The following ENPP1 variants were observed in gnomAD, a reference collection of about 807,000 sequenced individuals.
The protein encoded by ENPP1 is ectonucleotide pyrophosphatase/phosphodiesterase 1, also known as ectonucleotide pyrophosphatase/phosphodiesterase family member 1.
A neutral mutation model predicts 122.8 loss-of-function variants in ENPP1; 73 were observed. That is an observed-to-expected ratio of 0.59 (90% CI 0.49 to 0.72). The LOEUF (loss-of-function observed/expected upper bound fraction) is 0.72, where lower values mean the gene tolerates loss of function less well. Ranked by LOEUF, ENPP1 falls within the 30% of genes least tolerant of loss-of-function variation. The probability of loss-of-function intolerance (pLI) is 0.00; values close to 1 mark genes in which losing one functional copy is unlikely to be tolerated. For missense variants in ENPP1, 978 were observed against 1,128.1 expected (o/e 0.87, Z 1.91); for synonymous variants, 367 against 391.6 (o/e 0.94, Z 0.74).
intron 9 of ENPP1, 106 bp from the exon 10 acceptor site, chr6:131,864,400 G>A (rs1489495324): frequency 4.1e-6 from 3 of 737,102 alleles, no homozygotes; most frequent in East Asian, 2.6e-5. Flanking sequence ...CAATAGATGC[G>A]AAATAGCATT....
chr6:131,854,206 A>T (rs1179302255), intron 5 of ENPP1, among the ~76,000 whole-genome samples: 1 of 152,034 alleles, frequency 6.6e-6, no homozygotes, highest in East Asian at 1.9e-4. Flanking sequence ...GGAGTTCGAG[A>T]CCAGCCTGGG....
chr6:131,811,967 A>G (rs1478980990), intron 1 of ENPP1, among the ~76,000 whole-genome samples: 2 of 152,192 alleles, frequency 1.3e-5, no homozygotes, highest in Admixed American at 6.5e-5. Flanking sequence ...CAGAAGTACT[A>G]TCACTTAAAA....
At position 131,808,046 on chromosome 6, in the gene ENPP1, AC is replaced by A; in HGVS notation, c.12del (p.Asp4GlufsTer84). The A allele has an allele frequency of 1.2e-6, 1 of 861,902 alleles. No homozygotes were observed. Among genetic ancestry groups the A allele is most frequent in the Non-Finnish European group, 1.3e-6 (1 of 741,472 alleles). The allele number at this position is 861,902 out of a possible 1,614,324, so 53.4% of individuals were successfully genotyped here. A position where few individuals can be genotyped will look rare whatever the true frequency, so the allele number is the denominator to read the frequency against. On this transcript the variant is annotated frameshift_variant, in exon 1 of 25. Transcript: ENST00000647893. LOFTEE classifies it high-confidence loss of function. The stretch of plus-strand genomic sequence containing the variant: ...GCGGCCGGGGCCACGATGGAGCGCG[AC>A]GGCTGCGCGGGGGGCGGGAGCCGCG... MER[D>X]GCAGGGSRGG...
At chr6:131,834,917 A>T (rs778039669) in intron 1 of ENPP1, among the ~76,000 whole-genome samples, 13 of 152,206 alleles carry the variant, frequency 8.5e-5, no homozygotes, top group Non-Finnish European at 1.6e-4. Context: ...TTATTCAAAT[A>T]AAGGTATGAT....
At chr6:131,862,007 A>G (rs953856869) in intron 9 of ENPP1, among the ~76,000 whole-genome samples, 1 of 152,062 alleles carries the variant, frequency 6.6e-6, no homozygotes, top group African/African-American at 2.4e-5. Context: ...CGTCTCTACT[A>G]AAAATACAAA....
In ENPP1 at chr6:131,851,464, T is replaced by C. The variant is rs78831768; in HGVS notation, c.556+197T>C. ...GAGAGAGAGTATGTAATGAACATTA[T>C]ACCCATCACCCAGCTTCATAATTAT... On this transcript the variant is annotated intron_variant, in intron 4 of 24. Transcript: ENST00000647893. The C allele has an allele frequency of 9.6e-3, 5,679 of 594,392 alleles. 287 individuals are homozygous for C. In the African/African-American group the frequency reaches 0.097, roughly 10 times the overall value. 36.8% of individuals were successfully genotyped at this position (594,392 alleles called of 1,614,324 possible). A position where few individuals can be genotyped will look rare whatever the true frequency, so the allele number is the denominator to read the frequency against.
chr6:131,856,839 A>C (rs2114698174), intron 6 of ENPP1, among the ~76,000 whole-genome samples: 1 of 151,682 alleles, frequency 6.6e-6, no homozygotes, highest in South Asian at 2.1e-4. Flanking sequence ...GTTCTGTTCC[A>C]TTGATCTATA....
At chr6:131,856,084 A>T (rs1781942275) in intron 6 of ENPP1, among the ~76,000 whole-genome samples, 1 of 152,104 alleles carries the variant, frequency 6.6e-6, no homozygotes, top group African/African-American at 2.4e-5. Context: ...GGAGAGTTTT[A>T]AAAATTTTTA....
chr6:131,872,040 C>T (rs754511247), intron 13 of ENPP1, 30 bp from the exon 14 acceptor site: 1 of 1,493,124 alleles, frequency 6.7e-7, no homozygotes, highest in Non-Finnish European at 9.3e-7. Context: ...ATACAATCAA[C>T]TATTAATTCT....
chr6:131,833,732 T>C (rs1362270372), intron 1 of ENPP1, among the ~76,000 whole-genome samples: 1 of 152,252 alleles, frequency 6.6e-6, no homozygotes, highest in Non-Finnish European at 1.5e-5. Flanking sequence ...AGATTGCTTT[T>C]CTTAAGATGC....
chr6:131,857,432 A>C lies in ENPP1; in HGVS notation c.716-1236A>C, dbSNP rs575976802. ...CCAACAATGATAGACTGGATTAAGAAAATGTGGCACATATACACCATGGAA... is the reference window on the plus strand; with the variant it reads ...CCAACAATGATAGACTGGATTAAGACAATGTGGCACATATACACCATGGAA... On this transcript the variant is annotated intron_variant, in intron 6 of 24. Coordinates refer to ENST00000647893, the MANE Select transcript of ENPP1 (RefSeq NM_006208.3). Among the ~76,000 whole-genome samples, 308 of 150,960 alleles carry C rather than the reference A, an allele frequency of 2.0e-3. 1 individual carries two copies. The highest frequency in any genetic ancestry group is 7.3e-3 in the African/African-American group (298 of 40,624).
chr6:131,869,287 G>A (rs1782128235), intron 12 of ENPP1, 71 bp from the exon 13 acceptor site: 5 of 1,477,360 alleles, frequency 3.4e-6, no homozygotes, highest in Admixed American at 1.7e-5. Context: ...GGAAGTGAAA[G>A]AAGTTCTGCT....
intron 1 of ENPP1, among the ~76,000 whole-genome samples, chr6:131,834,528 CT>C (rs34437450): frequency 0.05 from 6,688 of 132,996 alleles, 473 homozygotes; most frequent in African/African-American, 0.17. Flanking sequence ...AGGTAATAGT[CT>C]TTTTTTTTTT....
At chr6:131,881,693 C>CT (rs1782310322) in intron 20 of ENPP1, among the ~76,000 whole-genome samples, 1 of 152,106 alleles carries the variant, frequency 6.6e-6, no homozygotes, top group Non-Finnish European at 1.5e-5. Context: ...ACCATCCTGG[C>CT]TAACATGGTG....
rs764192747 is a variant in ENPP1, at chr6:131,886,613, T to C, written c.2496T>C (p.Phe832=). 3.1e-5 allele frequency: 50 copies of C among 1,614,036 alleles called. 2 individuals carry two copies. The highest frequency in any genetic ancestry group is 2.6e-4 in the South Asian group (24 of 91,080). ...AAATTTTGATTCCAACTCACTTCTTTATTGTGCTAACAAGCTGTAAAGATA... is the reference window on the plus strand; with the variant it reads ...AAATTTTGATTCCAACTCACTTCTTCATTGTGCTAACAAGCTGTAAAGATA... The part of the protein sequence containing the change: ...NQEILIPTHF[F]IVLTSCKDTS... Residue 832 remains phenylalanine, a synonymous_variant, in exon 24 of 25, where the codon TTT becomes TTC. Transcript: ENST00000647893.
At position 131,877,171 on chromosome 6, in the gene ENPP1, G is replaced by A. The variant is rs767778451; in HGVS notation, c.1893+10G>A. 9.9e-6 allele frequency: 16 copies of A among 1,612,260 alleles called. No individual in the cohort carries two copies. The highest frequency in any genetic ancestry group is 6.7e-5 in the East Asian group (3 of 44,820). On this transcript the variant is annotated intron_variant, in intron 18 of 24. Transcript: ENST00000647893. ...CTCATGTAACCCTTCGGTAAGTATCGTCAAGAAGTTTGGTCCAGTATGTAT... is the reference window on the plus strand; with the variant it reads ...CTCATGTAACCCTTCGGTAAGTATCATCAAGAAGTTTGGTCCAGTATGTAT...
chr6:131,871,073 TA>T (rs1554204186), intron 13 of ENPP1, among the ~76,000 whole-genome samples: 183 of 142,076 alleles, frequency 1.3e-3, no homozygotes, highest in Middle Eastern at 3.6e-3. Flanking sequence ...AGACTCCATC[TA>T]AAAAAAAAAA....
chr6:131,827,605 G>T lies in ENPP1; in HGVS notation c.240+19330G>T, dbSNP rs182605698. 72 of 595,784 alleles carry T rather than the reference G, an allele frequency of 1.2e-4. 1 individual carries two copies. In the African/African-American group the frequency reaches 1.2e-3, roughly 10 times the overall value. The allele number at this position is 595,784 out of a possible 1,614,324, so 36.9% of individuals were successfully genotyped here. ...TTAAAAAATATGGAACATAAGTTAT[G>T]ATGAGCACAAAATGACTTTGACTAT... On this transcript the variant is annotated intron_variant, in intron 1 of 24. Transcript: ENST00000647893.
At chr6:131,814,775 G>C (rs1277720849) in intron 1 of ENPP1, among the ~76,000 whole-genome samples, 1 of 152,172 alleles carries the variant, frequency 6.6e-6, no homozygotes, top group Non-Finnish European at 1.5e-5. Flanking sequence ...TAAGAGGCCA[G>C]AGAAGTGTTC....
Sources: allele counts gnomAD v4.1 joint callset (sites outside exome capture counted in the v4.1 genomes callset), GRCh38; gene constraint gnomAD v4.1.1; transcripts MANE v1.5; gene names NCBI Gene and HGNC (gene_info 2026-07-23, HGNC 2026-07-21).